Variants in FSTL5 observed in about 807,000 individuals in gnomAD.
The protein encoded by FSTL5 is follistatin-related protein 5.
In FSTL5, 62 loss-of-function variants were observed where a neutral mutation model predicts 89.1. That is an observed-to-expected ratio of 0.70 (90% CI 0.57 to 0.86). The LOEUF (loss-of-function observed/expected upper bound fraction) is 0.86. Ranked by LOEUF, FSTL5 falls within the 40% of genes least tolerant of loss-of-function variation. FSTL5 has a pLI of 0.00. For synonymous variants in FSTL5, 383 were observed against 346.2 expected (o/e 1.11, Z -1.18); for missense variants, 1,057 against 1,001.6 (o/e 1.06, Z -0.75).
At chr4:161,882,161 T>C (rs1031811205) in intron 4 of FSTL5, among the ~76,000 whole-genome samples, 1 of 152,146 alleles carries the variant, frequency 6.6e-6, no homozygotes, top group Non-Finnish European at 1.5e-5. Context: ...TTCTTTTTTA[T>C]TTCCTCTTTC....
At chr4:162,069,288 T>C (rs1053199316) in intron 2 of FSTL5, among the ~76,000 whole-genome samples, 8 of 152,058 alleles carry the variant, frequency 5.3e-5, no homozygotes, top group Non-Finnish European at 1.0e-4. Context: ...ACATATTTAT[T>C]GGGTATAGAG....
At chr4:161,716,557 A>C (rs910124297) in intron 6 of FSTL5, among the ~76,000 whole-genome samples, 1 of 152,118 alleles carries the variant, frequency 6.6e-6, no homozygotes, top group African/African-American at 2.4e-5. Flanking sequence ...AGATCATGCC[A>C]CTGCACTCCA....
At chr4:161,584,342 C>T (rs991009473) in intron 8 of FSTL5, among the ~76,000 whole-genome samples, 5 of 152,194 alleles carry the variant, frequency 3.3e-5, no homozygotes, top group African/African-American at 1.2e-4. Flanking sequence ...TGTTTCAACA[C>T]AGGGACTATT....
intron 4 of FSTL5, among the ~76,000 whole-genome samples, chr4:161,875,218 A>G (rs554089224): frequency 1.3e-5 from 2 of 152,278 alleles, no homozygotes; most frequent in Admixed American, 1.3e-4. Context: ...TTGAAAGGAA[A>G]ACTCTAACTT....
chr4:161,868,927 A>G (rs2126897852), intron 4 of FSTL5, among the ~76,000 whole-genome samples: 1 of 152,278 alleles, frequency 6.6e-6, no homozygotes, highest in Non-Finnish European at 1.5e-5. Flanking sequence ...GTTACTGTGA[A>G]AAGATAACAA....
At chr4:161,672,729 TA>T (rs966938041) in intron 6 of FSTL5, among the ~76,000 whole-genome samples, 63 of 138,810 alleles carry the variant, frequency 4.5e-4, no homozygotes, top group South Asian at 2.9e-3. Context: ...CCCAAAAATC[TA>T]AAAAAAAAAA....
intron 4 of FSTL5, among the ~76,000 whole-genome samples, chr4:161,791,707 C>A (rs1729482976): frequency 6.6e-6 from 1 of 152,122 alleles, no homozygotes. Context: ...TTGGTGGGAG[C>A]AGTCTGATCT....
At chr4:161,961,726 G>A (rs962223057) in intron 3 of FSTL5, among the ~76,000 whole-genome samples, 24 of 151,530 alleles carry the variant, frequency 1.6e-4, no homozygotes, top group Non-Finnish European at 2.1e-4. Context: ...CAATTTCTCC[G>A]AAGTTGAAAA....
chr4:161,412,159 A>T (rs114752588), intron 15 of FSTL5, among the ~76,000 whole-genome samples: 6,270 of 152,206 alleles, frequency 0.041, 207 homozygotes, highest in Non-Finnish European at 0.058. Flanking sequence ...CTACAAAGAG[A>T]ACTAGAAGAC....
intron 7 of FSTL5, among the ~76,000 whole-genome samples, chr4:161,604,024 G>T (rs1734348395): frequency 6.6e-6 from 1 of 152,024 alleles, no homozygotes. Context: ...AAAATAATAA[G>T]ATTCTGATGT....
chr4:161,728,724 G>A (rs1739505261), intron 6 of FSTL5, among the ~76,000 whole-genome samples: 1 of 152,206 alleles, frequency 6.6e-6, no homozygotes, highest in South Asian at 2.1e-4. Flanking sequence ...GTGTAATTAA[G>A]ATGTGACAAT....
At chr4:162,123,548 TA>T (rs1731951442) in intron 1 of FSTL5, among the ~76,000 whole-genome samples, 1 of 152,108 alleles carries the variant, frequency 6.6e-6, no homozygotes, top group South Asian at 2.1e-4. Context: ...AAGTGGAGAG[TA>T]AACTATCCTT....
intron 3 of FSTL5, among the ~76,000 whole-genome samples, chr4:162,012,240 C>T (rs920921114): frequency 1.3e-5 from 2 of 152,142 alleles, no homozygotes; most frequent in African/African-American, 4.8e-5. Flanking sequence ...CAAATGTCAC[C>T]TTTCAGGTGA....
At chr4:161,994,970 C>G (rs891760702) in intron 3 of FSTL5, among the ~76,000 whole-genome samples, 16 of 152,132 alleles carry the variant, frequency 1.1e-4, no homozygotes, top group Admixed American at 3.9e-4. Flanking sequence ...ATTCCTACAT[C>G]CAGGATTGTA....
At chr4:162,153,661 A>AATATATGTATATT (rs1554003956) in intron 1 of FSTL5, among the ~76,000 whole-genome samples, 2 of 79,092 alleles carry the variant, frequency 2.5e-5, no homozygotes, top group Non-Finnish European at 5.3e-5. Context: ...ATATGTATAT[A>AATATATGTATATT]ATATATGTAT....
At chr4:161,934,033 A>T (rs1406433743) in intron 3 of FSTL5, among the ~76,000 whole-genome samples, 1 of 151,948 alleles carries the variant, frequency 6.6e-6, no homozygotes. Context: ...TCTTCCCATC[A>T]TTTGATGGGA....
chr4:162,090,146 A>G (rs1188091066), intron 2 of FSTL5, among the ~76,000 whole-genome samples: 3 of 152,202 alleles, frequency 2.0e-5, no homozygotes, highest in Non-Finnish European at 4.4e-5. Context: ...AAACCTTAGG[A>G]GACAACCTAG....
chr4:161,921,373 T>C (rs1227203391), intron 3 of FSTL5, among the ~76,000 whole-genome samples: 6 of 152,146 alleles, frequency 3.9e-5, no homozygotes, highest in African/African-American at 1.4e-4. Context: ...CAGAAAAGTT[T>C]AAGTGAATCC....
chr4:161,472,540 G>A (rs1483662853), intron 13 of FSTL5, among the ~76,000 whole-genome samples: 6 of 151,714 alleles, frequency 4.0e-5, no homozygotes, highest in African/African-American at 1.5e-4. Context: ...TGTCCCATAA[G>A]TTTTGGTCTG....
Sources: gnomAD v4.1 joint callset for allele counts (sites outside exome capture counted in the v4.1 genomes callset) on GRCh38, gnomAD v4.1.1 for gene constraint, MANE v1.5 for transcripts, NCBI Gene and HGNC (gene_info 2026-07-23, HGNC 2026-07-21) for gene names.